Variants in DNER observed in about 807,000 individuals in gnomAD.
DNER encodes delta/notch like EGF repeat containing.
DNER carries 33 observed loss-of-function variants against 78.2 expected under a neutral mutation model. That is an observed-to-expected ratio of 0.42 (90% CI 0.32 to 0.56). The LOEUF (loss-of-function observed/expected upper bound fraction) is 0.56. Among genes scored for constraint, DNER ranks in the 20% least tolerant of loss-of-function variants. The pLI, the probability that DNER is intolerant of heterozygous loss-of-function variation, is 0.11. For synonymous variants in DNER, 417 were observed against 384.8 expected (o/e 1.08, Z -0.98); for missense variants, 918 against 975.3 (o/e 0.94, Z 0.78).
chr2:229,367,098 T>C lies in DNER; in HGVS notation c.1877A>G (p.His626Arg). ...CATGTTGGTGAGGCTCTCCGCCATGTGCCCGGACTTCCATTGGAGGTCTGC... is the reference window on the plus strand; with the variant it reads ...CATGTTGGTGAGGCTCTCCGCCATGCGCCCGGACTTCCATTGGAGGTCTGC... ...CEIHLQWKSG[H>R]MAESLTNMPR... The change falls in exon 12 of 13, where the codon CAC (histidine) becomes CGC (arginine). Residue 626 changes from histidine to arginine, a missense_variant. His to Arg is a conservative substitution (Grantham distance 29). Transcript: ENST00000341772. The C allele has an allele frequency of 1.9e-6, 3 of 1,614,160 alleles. No individual in the cohort carries two copies. Among genetic ancestry groups the C allele is most frequent in the Non-Finnish European group, 2.5e-6 (3 of 1,180,028 alleles).
chr2:229,496,319 G>A (rs1048403870), intron 6 of DNER, among the ~76,000 whole-genome samples: 1 of 152,098 alleles, frequency 6.6e-6, no homozygotes, highest in African/African-American at 2.4e-5. Context: ...ATTTAATATT[G>A]TGAAAACATG....
At chr2:229,475,673 T>A (rs1695019441) in intron 7 of DNER, among the ~76,000 whole-genome samples, 1 of 152,162 alleles carries the variant, frequency 6.6e-6, no homozygotes, top group Non-Finnish European at 1.5e-5. Flanking sequence ...AAAATTCTGT[T>A]TTTAGTTCGA....
At chr2:229,709,325 G>A (rs1440128636) in intron 1 of DNER, among the ~76,000 whole-genome samples, 1 of 152,184 alleles carries the variant, frequency 6.6e-6, no homozygotes, top group African/African-American at 2.4e-5. Context: ...GTTAGTCCAT[G>A]TTAGAGATAT....
chr2:229,540,064 A>G (rs1165355752), intron 5 of DNER, among the ~76,000 whole-genome samples: 2 of 152,222 alleles, frequency 1.3e-5, no homozygotes, highest in Non-Finnish European at 2.9e-5. Context: ...TATAAGCATA[A>G]ATCAAAAGTC....
chr2:229,694,111 C>T (rs577686804), intron 1 of DNER, among the ~76,000 whole-genome samples: 2 of 152,236 alleles, frequency 1.3e-5, no homozygotes, highest in Admixed American at 6.5e-5. Flanking sequence ...CAGGCCATTG[C>T]TTTAGAGGGT....
At chr2:229,468,754 G>A (rs1367033422) in intron 7 of DNER, among the ~76,000 whole-genome samples, 1 of 152,170 alleles carries the variant, frequency 6.6e-6, no homozygotes, top group African/African-American at 2.4e-5. Flanking sequence ...CTCTGTCTAG[G>A]CAGTGGGCAG....
chr2:229,471,779 G>A (rs903124602), intron 7 of DNER, among the ~76,000 whole-genome samples: 1 of 152,186 alleles, frequency 6.6e-6, no homozygotes, highest in Non-Finnish European at 1.5e-5. Flanking sequence ...CTTTAAACAT[G>A]TAAACGAGTG....
At chr2:229,395,182 G>T (rs1464700046) in intron 10 of DNER, among the ~76,000 whole-genome samples, 1 of 152,210 alleles carries the variant, frequency 6.6e-6, no homozygotes, top group African/African-American at 2.4e-5. Flanking sequence ...ACTTGCCTTT[G>T]CTGTGTGTAA....
chr2:229,654,226 G>C lies in DNER; in HGVS notation c.276+59922C>G, dbSNP rs185871044. 3.3e-5 allele frequency among the ~76,000 whole-genome samples: 5 copies of C among 151,080 alleles called. No homozygotes were observed. The East Asian group carries it at 7.8e-4, about 24-fold the overall frequency. On this transcript the variant is annotated intron_variant, in intron 1 of 12. Transcript: ENST00000341772. Reference sequence around the variant, plus strand: ...GAGAACATATGGTGTTTGATTTTCTGTCCTTGCGATAGTTTGCTCAGAATA... The same window carrying C: ...GAGAACATATGGTGTTTGATTTTCTCTCCTTGCGATAGTTTGCTCAGAATA...
chr2:229,386,072 A>G (rs1005051041), intron 11 of DNER, among the ~76,000 whole-genome samples: 1 of 152,204 alleles, frequency 6.6e-6, no homozygotes, highest in African/African-American at 2.4e-5. Flanking sequence ...TTCAAACTAT[A>G]CTACAAAGCT....
chr2:229,421,081 T>G (rs1045626486), intron 8 of DNER, among the ~76,000 whole-genome samples: 3 of 152,208 alleles, frequency 2.0e-5, no homozygotes, highest in Non-Finnish European at 4.4e-5. Context: ...TGGAATATTA[T>G]TCAGCCTTAA....
intron 5 of DNER, among the ~76,000 whole-genome samples, chr2:229,545,008 G>C (rs778156053): frequency 7.3e-4 from 111 of 152,236 alleles, no homozygotes; most frequent in Non-Finnish European, 1.1e-3. Flanking sequence ...TCACAAGAAG[G>C]CATCACCAAA....
intron 6 of DNER, among the ~76,000 whole-genome samples, chr2:229,503,087 A>G (rs56049535): frequency 0.069 from 10,487 of 152,272 alleles, 396 homozygotes; most frequent in Middle Eastern, 0.088. Flanking sequence ...TACTAGGGCC[A>G]CAACTGCAAG....
intron 9 of DNER, among the ~76,000 whole-genome samples, 165 bp from the exon 10 acceptor site, chr2:229,407,510 T>C (rs1253590934): frequency 6.6e-6 from 1 of 152,214 alleles, no homozygotes; most frequent in Admixed American, 6.5e-5. Flanking sequence ...TTTAGATTGT[T>C]GTAAAAACTT....
At chr2:229,674,315 A>G (rs369131918) in intron 1 of DNER, among the ~76,000 whole-genome samples, 9 of 152,276 alleles carry the variant, frequency 5.9e-5, no homozygotes, top group African/African-American at 1.7e-4. Context: ...GTCTTGCTCT[A>G]TCACCCAGGC....
At position 229,487,408 on chromosome 2, in the gene DNER, AG is replaced by A. The variant is rs1338571651; in HGVS notation, c.1148-10156del. On this transcript the variant is annotated intron_variant, in intron 6 of 12. Coordinates refer to ENST00000341772, the MANE Select transcript of DNER (RefSeq NM_139072.4). ...AAATAATAAAGTGCAATATTGATAC[AG>A]TCCATCTATATCTTTTAATCTGATG... Among the ~76,000 whole-genome samples the A allele has an allele frequency of 2.9e-3, 447 of 152,384 alleles. 2 individuals are homozygous for A. Among genetic ancestry groups the A allele is most frequent in the African/African-American group, 0.01 (426 of 41,590 alleles).
At chr2:229,621,433 G>A (rs916507393) in intron 1 of DNER, among the ~76,000 whole-genome samples, 5 of 151,764 alleles carry the variant, frequency 3.3e-5, no homozygotes, top group Non-Finnish European at 4.4e-5. Context: ...CATGCCCACT[G>A]CAATACTTCC....
intron 1 of DNER, among the ~76,000 whole-genome samples, chr2:229,617,062 T>C (rs547537159): frequency 2.0e-5 from 3 of 152,326 alleles, no homozygotes; most frequent in African/African-American, 4.8e-5. Flanking sequence ...TTTCAAAACA[T>C]GCAAAATGAA....
intron 11 of DNER, among the ~76,000 whole-genome samples, chr2:229,379,154 C>A (rs533075003): frequency 2.4e-4 from 36 of 152,318 alleles, no homozygotes; most frequent in African/African-American, 7.2e-4. Context: ...AGCCACTGTC[C>A]TGGGCTGTAG....
Sources: allele counts gnomAD v4.1 joint callset (sites outside exome capture counted in the v4.1 genomes callset), GRCh38; gene constraint gnomAD v4.1.1; transcripts MANE v1.5; gene names NCBI Gene and HGNC (gene_info 2026-07-23, HGNC 2026-07-21).